The following EEF2KMT variants were observed in gnomAD, a reference collection of about 807,000 sequenced individuals.
The protein encoded by EEF2KMT is eukaryotic elongation factor 2 lysine methyltransferase, also known as protein-lysine N-methyltransferase EEF2KMT.
A neutral mutation model predicts 35.1 loss-of-function variants in EEF2KMT; 30 were observed. That is an observed-to-expected ratio of 0.85 (90% confidence interval 0.64 to 1.16). The LOEUF (loss-of-function observed/expected upper bound fraction) is 1.16. Ranked by LOEUF, EEF2KMT falls within the 50% of genes most tolerant of loss-of-function variation. EEF2KMT has a pLI of 0.00. For synonymous variants in EEF2KMT, 190 were observed against 187.7 expected (o/e 1.01, Z -0.10); for missense variants, 499 against 438.2 (o/e 1.14, Z -1.24).
chr16:5,091,248 A>C (rs183914926), intron 4 of EEF2KMT, among the ~76,000 whole-genome samples: 59 of 151,946 alleles, frequency 3.9e-4, no homozygotes, highest in African/African-American at 1.4e-3. Flanking sequence ...CACCCCGCTA[A>C]TTTTTGTATT....
chr16:5,095,864 A>T (rs1957450142), intron 1 of EEF2KMT, among the ~76,000 whole-genome samples: 1 of 112,020 alleles, frequency 8.9e-6, no homozygotes, highest in African/African-American at 3.2e-5. Context: ...ATGTGCCCAT[A>T]CCAGCCTGAG....
chr16:5,095,801 G>A (rs1459911882), intron 1 of EEF2KMT, among the ~76,000 whole-genome samples: 2 of 130,872 alleles, frequency 1.5e-5, no homozygotes, highest in African/African-American at 5.6e-5. Context: ...GAATTACCAG[G>A]GCAGCCATGG....
chr16:5,087,101 A>G (rs890291285), intron 7 of EEF2KMT: 6 of 152,194 alleles, frequency 3.9e-5, no homozygotes, highest in African/African-American at 1.4e-4. Context: ...GGCACCTGTT[A>G]ATGTGTATAT....
chr16:5,092,517 G>A (rs1957361651), intron 3 of EEF2KMT, among the ~76,000 whole-genome samples: 1 of 152,186 alleles, frequency 6.6e-6, no homozygotes, highest in South Asian at 2.1e-4. Flanking sequence ...CATGCTTCTG[G>A]GGAGGACTAG....
In EEF2KMT at chr16:5,085,724, C is replaced by T. The variant is rs768441103; in HGVS notation, c.901G>A (p.Gly301Arg). ...QLFTTELGRA[G>R]IRWEVEPRHE... Reference sequence around the variant, plus strand: ...CGAGGTTCCACTTCCCATCTGATCCCGGCCCGGCCTGGAAACAGAGCACAT... The same window carrying T: ...CGAGGTTCCACTTCCCATCTGATCCTGGCCCGGCCTGGAAACAGAGCACAT... Residue 301 changes from glycine (G) to arginine (R), a missense_variant, in exon 8 of 8, where the codon GGG becomes AGG. Gly to Arg is a moderately radical substitution (Grantham distance 125, BLOSUM62 -2). Coordinates refer to ENST00000427587, the MANE Select transcript of EEF2KMT (RefSeq NM_201400.4). 1.6e-5 allele frequency: 26 copies of T among 1,610,998 alleles called. No individual in the cohort carries two copies. In the East Asian group the frequency reaches 2.2e-4, roughly 14 times the overall value.
intron 2 of EEF2KMT, among the ~76,000 whole-genome samples, chr16:5,095,167 A>T (rs1054236327): frequency 3.9e-5 from 6 of 152,236 alleles, no homozygotes; most frequent in African/African-American, 1.4e-4. Flanking sequence ...TGCACCTGTC[A>T]TCTCTGTTTT....
intron 1 of EEF2KMT, 57 bp downstream of exon 1, chr16:5,097,587 G>A (rs1294083528): frequency 6.5e-7 from 1 of 1,528,364 alleles, no homozygotes; most frequent in East Asian, 2.5e-5. Flanking sequence ...GACCCGTCCC[G>A]TCTGCCCCTG....
chr16:5,094,551 G>C (rs746618377), intron 2 of EEF2KMT, among the ~76,000 whole-genome samples: 9 of 152,186 alleles, frequency 5.9e-5, no homozygotes, highest in African/African-American at 9.7e-5. Flanking sequence ...GTGTGAGCCA[G>C]TGCACCCAGC....
chr16:5,088,475 G>A (rs1231055979), intron 7 of EEF2KMT, among the ~76,000 whole-genome samples: 2 of 152,154 alleles, frequency 1.3e-5, no homozygotes, highest in Non-Finnish European at 2.9e-5. Flanking sequence ...GGGGGGCTTG[G>A]GTGTAGTGTG....
At chr16:5,095,951 G>A (rs1403151121) in intron 1 of EEF2KMT, among the ~76,000 whole-genome samples, 1 of 152,106 alleles carries the variant, frequency 6.6e-6, no homozygotes, top group African/African-American at 2.4e-5. Flanking sequence ...GTCTCGGCTG[G>A]TATGTGACAC....
intron 7 of EEF2KMT, among the ~76,000 whole-genome samples, chr16:5,086,234 C>A (rs572405748): frequency 4.0e-5 from 6 of 151,162 alleles, no homozygotes; most frequent in Non-Finnish European, 7.4e-5. Context: ...ACTTGGGAGG[C>A]TGAGGTGGGA....
chr16:5,097,571 C>T (rs778089251), intron 1 of EEF2KMT, 73 bp downstream of exon 1: 5 of 1,525,618 alleles, frequency 3.3e-6, no homozygotes, highest in Middle Eastern at 2.3e-4. Flanking sequence ...GGGGCTTCAG[C>T]ACGGAGACCC....
At chr16:5,088,598 C>CA (rs1957267595) in intron 7 of EEF2KMT, among the ~76,000 whole-genome samples, 1 of 152,088 alleles carries the variant, frequency 6.6e-6, no homozygotes, top group South Asian at 2.1e-4. Flanking sequence ...AGCACACCCT[C>CA]ACAGTTGCTG....
chr16:5,091,673 A>G (rs1239285087), intron 4 of EEF2KMT, 121 bp downstream of exon 4: 3 of 1,488,116 alleles, frequency 2.0e-6, no homozygotes, highest in Admixed American at 4.6e-5. Flanking sequence ...AGGTTGACGG[A>G]CCTCATGTCT....
chr16:5,097,597 G>T, intron 1 of EEF2KMT, 47 bp downstream of exon 1: 1 of 1,531,934 alleles, frequency 6.5e-7, no homozygotes, highest in Non-Finnish European at 8.7e-7. Flanking sequence ...GTCTGCCCCT[G>T]GACTCCCGCG....
At chr16:5,092,030 C>T (rs1659286943) in intron 3 of EEF2KMT, 135 bp from the exon 4 acceptor site, 1 of 1,499,670 alleles carries the variant, frequency 6.7e-7, no homozygotes, top group Non-Finnish European at 9.0e-7. Context: ...ATAAAATATT[C>T]ACTTCGTTGG....
Position 5,084,575 on chromosome 16 carries a change from T to C in EEF2KMT, c.*1057A>G. The C allele has an allele frequency of 2.0e-6, 2 of 1,008,466 alleles. No individual in the cohort carries two copies. Among genetic ancestry groups the C allele is most frequent in the South Asian group, 1.4e-5 (1 of 69,022 alleles). 62.5% of individuals were successfully genotyped at this position (1,008,466 alleles called of 1,614,324 possible). On this transcript the variant is annotated 3_prime_UTR_variant, in exon 8 of 8. Transcript: ENST00000427587. ...GCGGGGAAGTTTCCAGAAACTGTGA[T>C]GTCAAGTTGGAGGCGGAGTGCTGCT...
chr16:5,093,709 A>G (rs868412747), intron 2 of EEF2KMT, 145 bp from the exon 3 acceptor site: 2 of 1,491,964 alleles, frequency 1.3e-6, no homozygotes, highest in Non-Finnish European at 8.9e-7. Context: ...GGCCCCATGC[A>G]TCTGAAGTTT....
rs191520205 is a variant in EEF2KMT at position 5,084,552 on chromosome 16, G to C, written c.*1080C>G. ...CCAAGTGTGGGAAAGTGGGACATGC[G>C]GGGAAGTTTCCAGAAACTGTGATGT... On this transcript the variant is annotated 3_prime_UTR_variant, in exon 8 of 8. Transcript: ENST00000427587. 3 of 858,222 alleles carry C rather than the reference G, an allele frequency of 3.5e-6. No homozygotes were observed. The highest frequency in any genetic ancestry group is 4.3e-5 in the Admixed American group (2 of 46,218). The allele number at this position is 858,222 out of a possible 1,614,324, so 53.2% of individuals were successfully genotyped here.
Sources: gnomAD v4.1 joint callset for allele counts (sites outside exome capture counted in the v4.1 genomes callset) on GRCh38, gnomAD v4.1.1 for gene constraint, MANE v1.5 for transcripts, NCBI Gene and HGNC (gene_info 2026-07-23, HGNC 2026-07-21) for gene names.